The following ZNF91 variants were observed in gnomAD, a reference collection of about 807,000 sequenced individuals.
ZNF91 encodes zinc finger protein 91, also known as zinc finger protein 91 (HPF7, HTF10).
ZNF91 carries 7 observed loss-of-function variants against 12.6 expected under a neutral mutation model. The observed-to-expected ratio is 0.55, with a 90% CI of 0.31 to 1.04. The LOEUF is 1.04. Ranked by LOEUF, ZNF91 falls within the 50% of genes least tolerant of loss-of-function variation. The probability of loss-of-function intolerance (pLI) is 0.05; values close to 1 mark genes in which losing one functional copy is unlikely to be tolerated. For synonymous variants in ZNF91, 453 were observed against 462.6 expected, an observed-to-expected ratio of 0.98 and a Z score of 0.27; for missense variants, 1,217 against 1,385.4, an observed-to-expected ratio of 0.88 and a Z score of 1.93.
intron 1 of ZNF91, among the ~76,000 whole-genome samples, chr19:23,390,569 G>A (rs546656046): frequency 6.6e-6 from 1 of 152,244 alleles, no homozygotes; most frequent in Non-Finnish European, 1.5e-5. Flanking sequence ...TGTTGGCCAG[G>A]CTGGTCTTGA....
chr19:23,384,479 A>G, intron 1 of ZNF91: 1 of 586,160 alleles, frequency 1.7e-6, no homozygotes, highest in Non-Finnish European at 2.5e-6. Flanking sequence ...CCATCTGTGA[A>G]AAAAGTTGCC....
intron 1 of ZNF91, among the ~76,000 whole-genome samples, chr19:23,318,551 G>A (rs1967618137): frequency 6.6e-6 from 1 of 151,990 alleles, no homozygotes; most frequent in South Asian, 2.1e-4. Context: ...CCAAGATGAT[G>A]TGAGTCTCTT....
chr19:23,328,493 A>C (rs1404878622), intron 1 of ZNF91: 3 of 152,224 alleles, frequency 2.0e-5, no homozygotes, highest in Non-Finnish European at 4.4e-5. Flanking sequence ...AAGAAAAGAC[A>C]CTGAATGAGG....
intron 1 of ZNF91, among the ~76,000 whole-genome samples, chr19:23,377,001 T>C (rs1012490840): frequency 2.6e-5 from 4 of 152,132 alleles, no homozygotes; most frequent in African/African-American, 9.7e-5. Context: ...ACACAAAAAC[T>C]CTACCCATTT....
chr19:23,331,224 T>C (rs1171144129), intron 1 of ZNF91, among the ~76,000 whole-genome samples: 4 of 152,196 alleles, frequency 2.6e-5, no homozygotes, highest in African/African-American at 9.6e-5. Context: ...AGACCTTCTA[T>C]TGTGGTAAGA....
At chr19:23,353,178 ACTTT>A (rs1440778206), downstream of ZNF91, among the ~76,000 whole-genome samples, 1 of 152,210 alleles carries the variant, frequency 6.6e-6, no homozygotes, top group East Asian at 1.9e-4. Context: ...AGTGCATGGA[ACTTT>A]CTCCAAGATA....
upstream of ZNF91, among the ~76,000 whole-genome samples, chr19:23,313,264 G>A (rs1186957372): frequency 2.0e-5 from 3 of 152,244 alleles, no homozygotes; most frequent in Admixed American, 2.0e-4. Flanking sequence ...ATACAGGATT[G>A]TGACTTATTT....
intron 3 of ZNF91, chr19:23,340,280 T>C (rs892695604): frequency 2.0e-5 from 3 of 152,046 alleles, no homozygotes; most frequent in African/African-American, 7.2e-5. Context: ...AATTGGTAAA[T>C]TGCTAGCTAG....
intron 3 of ZNF91, among the ~76,000 whole-genome samples, chr19:23,348,759 TCTGA>T (rs1968294887): frequency 6.6e-6 from 1 of 152,150 alleles, no homozygotes; most frequent in Non-Finnish European, 1.5e-5. Flanking sequence ...TATTCTGCAG[TCTGA>T]CTGCAGAATA....
downstream of ZNF91, among the ~76,000 whole-genome samples, chr19:23,356,325 G>A (rs1232760108): frequency 5.3e-5 from 8 of 151,516 alleles, no homozygotes; most frequent in Non-Finnish European, 8.8e-5. Context: ...ATATGTGTGT[G>A]TATATATATA....
chr19:23,321,663 G>A lies in ZNF91; in HGVS notation n.117-12566C>T, dbSNP rs73924564. ...AGAAGGTATTGTGACCTATTGCTGG[G>A]CCCAGGACCAAGGTGATGTGACTTT... On this transcript the variant is annotated intron_variant and non_coding_transcript_variant, in intron 1 of 1. Coordinates refer to the ZNF91 transcript ENST00000596528. Among the ~76,000 whole-genome samples, 552 of 152,238 alleles carry A rather than the reference G, an allele frequency of 3.6e-3. 2 individuals carry two copies. Among genetic ancestry groups the A allele is most frequent in the African/African-American group, 0.013 (529 of 41,536 alleles).
downstream of ZNF91, among the ~76,000 whole-genome samples, chr19:23,355,048 T>A (rs1256123027): frequency 6.6e-6 from 1 of 152,118 alleles, no homozygotes; most frequent in Non-Finnish European, 1.5e-5. Flanking sequence ...AAGCAATCTA[T>A]AAATTCAACA....
chr19:23,352,930 C>T (rs1968402789), downstream of ZNF91, among the ~76,000 whole-genome samples: 1 of 152,172 alleles, frequency 6.6e-6, no homozygotes, highest in Non-Finnish European at 1.5e-5. Flanking sequence ...CATATATGCA[C>T]CTAACACTGG....
At chr19:23,380,258 A>G (rs1969656368) in intron 1 of ZNF91, 1 of 93,264 alleles carries the variant, frequency 1.1e-5, no homozygotes. Context: ...TGGGGGGAAA[A>G]TCCGTCTCAA....
chr19:23,349,817 GTAA>G (rs1270156526), intron 3 of ZNF91, among the ~76,000 whole-genome samples: 1 of 152,074 alleles, frequency 6.6e-6, no homozygotes, highest in Admixed American at 6.6e-5. Context: ...GTACCTGTAT[GTAA>G]TAATAATTTA....
chr19:23,323,937 TCTCCTTTC>T lies in ZNF91; in HGVS notation n.117-14848_117-14841del, dbSNP rs1967782733. 2.7e-5 allele frequency: 4 copies of T among 147,814 alleles called. No individual in the cohort carries two copies. In the South Asian group the frequency reaches 6.7e-4, roughly 25 times the overall value. The allele number at this position is 147,814 out of a possible 1,614,324, so 9.2% of individuals were successfully genotyped here. A position where few individuals can be genotyped will look rare whatever the true frequency, so the allele number is the denominator to read the frequency against. The stretch of plus-strand genomic sequence containing the variant: ...CTTTCTTTTCTCCTCCTCCTTCTCT[TCTCCTTTC>T]CTCCTCCTCTCCTTCACCTCTTCAT... On this transcript the variant is annotated intron_variant and non_coding_transcript_variant, in intron 1 of 1. Transcript: ENST00000596528.
At chr19:23,331,535 A>T (rs926694381) in intron 1 of ZNF91, among the ~76,000 whole-genome samples, 5 of 152,132 alleles carry the variant, frequency 3.3e-5, no homozygotes, top group Admixed American at 1.3e-4. Flanking sequence ...TCAGAATGAG[A>T]GTGTGTGTGT....
chr19:23,361,719 A>G lies in ZNF91; in HGVS notation c.1260T>C (p.Asn420=). The change falls in exon 4 of 4, where the codon AAT becomes AAC. Residue 420 remains asparagine, a synonymous_variant. Coordinates refer to ENST00000300619, the MANE Select transcript of ZNF91 (RefSeq NM_003430.4). ...ECGKAFNRSS[N]LTIHKFIHTG... ...TATGAATAAACTTATGTATAGTAAG[A>G]TTTGAAGATCGATTAAAAGCTTTGC... 6.2e-7 allele frequency: 1 copy of G among 1,605,856 alleles called. No individual in the cohort carries two copies. The highest frequency in any genetic ancestry group is 8.5e-7 in the Non-Finnish European group (1 of 1,175,818).
downstream of ZNF91, among the ~76,000 whole-genome samples, chr19:23,354,319 AG>A (rs1438654152): frequency 2.0e-5 from 3 of 152,194 alleles, no homozygotes; most frequent in Non-Finnish European, 4.4e-5. Context: ...AACACACACA[AG>A]TCAAGAAATG....
Sources: allele counts gnomAD v4.1 joint callset (sites outside exome capture counted in the v4.1 genomes callset), GRCh38; gene constraint gnomAD v4.1.1; transcripts MANE v1.5; gene names NCBI Gene and HGNC (gene_info 2026-07-23, HGNC 2026-07-21).